The following LPGAT1 variants were observed in gnomAD, a reference collection of about 807,000 sequenced individuals.
LPGAT1 encodes lysophosphatidylglycerol acyltransferase 1.
A neutral mutation model predicts 47.5 loss-of-function variants in LPGAT1; 11 were observed. The ratio of observed to expected loss-of-function variants is 0.23; its 90% confidence interval spans 0.15 to 0.38. LPGAT1 has a LOEUF of 0.38. Among genes scored for constraint, LPGAT1 ranks in the 10% least tolerant of loss-of-function variants. LPGAT1 has a pLI of 1.00. For synonymous variants in LPGAT1, 138 were observed against 144.2 expected (o/e 0.96, Z 0.31); for missense variants, 293 against 439.0 (o/e 0.67, Z 2.97).
chr1:211,830,693 C>G lies in LPGAT1; in HGVS notation c.-148G>C. 8.4e-7 allele frequency: 1 copy of G among 1,186,710 alleles called. No individual in the cohort carries two copies. Among genetic ancestry groups the G allele is most frequent in the African/African-American group, 1.6e-5 (1 of 62,616 alleles). The allele number at this position is 1,186,710 out of a possible 1,614,324, so 73.5% of individuals were successfully genotyped here. A position where few individuals can be genotyped will look rare whatever the true frequency, so the allele number is the denominator to read the frequency against. On this transcript the variant is annotated 5_prime_UTR_variant, in exon 1 of 8. Transcript: ENST00000366997. This position sits in a 1 kb window ranked among gnomAD's most constrained non-coding sequence, Gnocchi z 5.9. ...GGGCCCTGCCCCGCTCCGGCTGTGG[C>G]GCGGCCCGCGCCCGTTCCCCGGCGG... is the stretch of plus-strand genomic sequence containing the variant.
intron 4 of LPGAT1, among the ~76,000 whole-genome samples, chr1:211,785,818 GCTGGCCTCGAACTC>G (rs1658855598): frequency 6.6e-6 from 1 of 151,898 alleles, no homozygotes; most frequent in South Asian, 2.1e-4. Flanking sequence ...TGTTGGCCAG[GCTGGCCTCGAACTC>G]CTGGCCTCAA....
At chr1:211,776,104 C>T (rs553498636) in intron 6 of LPGAT1, among the ~76,000 whole-genome samples, 5 of 151,070 alleles carry the variant, frequency 3.3e-5, no homozygotes, top group African/African-American at 1.2e-4. Context: ...CTTGTCAGCT[C>T]TATAGATAAC....
intron 2 of LPGAT1, among the ~76,000 whole-genome samples, chr1:211,796,875 T>C (rs1659372677): frequency 6.6e-6 from 1 of 152,190 alleles, no homozygotes; most frequent in South Asian, 2.1e-4. Context: ...ATCCACTACA[T>C]GTTTTATCTC....
chr1:211,765,938 G>A (rs1003428536), intron 6 of LPGAT1, among the ~76,000 whole-genome samples: 5 of 152,090 alleles, frequency 3.3e-5, no homozygotes, highest in African/African-American at 1.2e-4. Flanking sequence ...CCCTTCCCCC[G>A]CAATGTGGGA....
At chr1:211,775,505 T>C (rs1658357890) in intron 6 of LPGAT1, among the ~76,000 whole-genome samples, 1 of 152,206 alleles carries the variant, frequency 6.6e-6, no homozygotes, top group South Asian at 2.1e-4. Context: ...AGGACAGTTA[T>C]TGCCCTCTAT....
In LPGAT1 at chr1:211,774,925, A is replaced by T. The variant is rs530596404; in HGVS notation, c.854+3993T>A. 2.0e-5 allele frequency among the ~76,000 whole-genome samples: 3 copies of T among 152,336 alleles called. 1 individual carries two copies. In the South Asian group the frequency reaches 6.2e-4, roughly 32 times the overall value. On this transcript the variant is annotated intron_variant, in intron 6 of 7. Transcript: ENST00000366997. ...AATCAAGAAAAACATTCTGCTCCAC[A>T]TTCTGGCAATCTAGATATTCTTTTT...
At chr1:211,785,049 C>T (rs1378889851) in intron 4 of LPGAT1, among the ~76,000 whole-genome samples, 2 of 152,166 alleles carry the variant, frequency 1.3e-5, no homozygotes, top group African/African-American at 2.4e-5. Context: ...GTGATCTGCC[C>T]CCCTTGGCCT....
At chr1:211,805,324 A>G (rs771361979) in intron 2 of LPGAT1, among the ~76,000 whole-genome samples, 1 of 152,232 alleles carries the variant, frequency 6.6e-6, no homozygotes, top group Non-Finnish European at 1.5e-5. Flanking sequence ...ACAGCAAGTC[A>G]AAAATGCATT....
intron 6 of LPGAT1, among the ~76,000 whole-genome samples, chr1:211,772,555 C>T (rs1658219171): frequency 6.6e-6 from 1 of 152,134 alleles, no homozygotes; most frequent in African/African-American, 2.4e-5. Context: ...TCTGTGAACA[C>T]AAGTATTATC....
intron 3 of LPGAT1, among the ~76,000 whole-genome samples, chr1:211,791,921 A>G (rs951866039): frequency 2.0e-5 from 3 of 151,578 alleles, no homozygotes; most frequent in African/African-American, 7.2e-5. Flanking sequence ...TAAGCCCTTA[A>G]TGAACTTCCA....
chr1:211,773,101 GATCA>G (rs1488967687), intron 6 of LPGAT1, among the ~76,000 whole-genome samples: 2 of 152,214 alleles, frequency 1.3e-5, no homozygotes, highest in African/African-American at 4.8e-5. Flanking sequence ...GAAATTGCTA[GATCA>G]CAGAGTATGT....
chr1:211,803,463 A>T (rs1659648359), intron 2 of LPGAT1, among the ~76,000 whole-genome samples: 1 of 152,202 alleles, frequency 6.6e-6, no homozygotes, highest in South Asian at 2.1e-4. Flanking sequence ...AGACTTTCCA[A>T]AAAAGATGAA....
chr1:211,782,561 C>T (rs1658685725), intron 5 of LPGAT1, among the ~76,000 whole-genome samples: 1 of 152,052 alleles, frequency 6.6e-6, no homozygotes, highest in Admixed American at 6.6e-5. Context: ...CAGTGAGACC[C>T]CATCTCTACA....
At chr1:211,815,467 C>T (rs1042112733) in intron 2 of LPGAT1, among the ~76,000 whole-genome samples, 1 of 152,150 alleles carries the variant, frequency 6.6e-6, no homozygotes, top group East Asian at 1.9e-4. Context: ...CAACCATCAC[C>T]CTCACCTGAT....
chr1:211,811,648 T>C (rs1659992234), intron 2 of LPGAT1, among the ~76,000 whole-genome samples: 1 of 152,156 alleles, frequency 6.6e-6, no homozygotes, highest in South Asian at 2.1e-4. Context: ...TCCCAGCTAC[T>C]CAGGAGGCTG....
At chr1:211,768,641 C>T (rs1006146623) in intron 6 of LPGAT1, among the ~76,000 whole-genome samples, 1 of 152,166 alleles carries the variant, frequency 6.6e-6, no homozygotes, top group Non-Finnish European at 1.5e-5. Flanking sequence ...ATATCTCTAT[C>T]GTGTGGTTTT....
chr1:211,827,118 G>C (rs1660565414), intron 2 of LPGAT1, among the ~76,000 whole-genome samples: 1 of 152,066 alleles, frequency 6.6e-6, no homozygotes, highest in Non-Finnish European at 1.5e-5. Context: ...CTGAAATCAA[G>C]TATTCTACCT....
At chr1:211,779,174 A>C in intron 5 of LPGAT1, 130 bp from the exon 6 acceptor site, 1 of 598,332 alleles carries the variant, frequency 1.7e-6, no homozygotes, top group Non-Finnish European at 2.7e-6. Context: ...TCTAAGGATG[A>C]ACTTTGGTGC....
At chr1:211,797,877 A>G (rs2102563918) in intron 2 of LPGAT1, among the ~76,000 whole-genome samples, 1 of 152,348 alleles carries the variant, frequency 6.6e-6, no homozygotes. Flanking sequence ...AAACTGGAGG[A>G]AAAATTTTCT....
Sources: allele counts gnomAD v4.1 joint callset (sites outside exome capture counted in the v4.1 genomes callset), GRCh38; gene constraint gnomAD v4.1.1; non-coding constraint Gnocchi (gnomAD v3.1); transcripts MANE v1.5; gene names NCBI Gene and HGNC (gene_info 2026-07-23, HGNC 2026-07-21).